Variants in USP33 observed in about 807,000 individuals in gnomAD.
USP33 encodes ubiquitin specific peptidase 33.
In USP33, 46 loss-of-function variants were observed where a neutral mutation model predicts 124.2. That is an observed-to-expected ratio of 0.37 (90% confidence interval 0.29 to 0.47). The LOEUF (loss-of-function observed/expected upper bound fraction) is 0.47. Among genes scored for constraint, USP33 ranks in the 20% least tolerant of loss-of-function variants. USP33 has a pLI of 0.99. For missense variants in USP33, 851 were observed against 1,070.6 expected, an observed-to-expected ratio of 0.79 and a Z score of 2.86; for synonymous variants, 350 against 352.3, an observed-to-expected ratio of 0.99 and a Z score of 0.07.
chr1:77,721,767 T>C, intron 14 of USP33, 64 bp downstream of exon 14: 1 of 1,419,400 alleles, frequency 7.0e-7, no homozygotes, highest in East Asian at 2.5e-5. Flanking sequence ...CACTTTATTA[T>C]TTAGTCCCAC....
At chr1:77,718,786 A>T (rs1557831973) in intron 15 of USP33, 145 bp from the exon 16 acceptor site, 1 of 619,968 alleles carries the variant, frequency 1.6e-6, no homozygotes, top group African/African-American at 1.9e-5. Context: ...AAAATTAGCC[A>T]GGCATGGTGG....
At chr1:77,705,194 A>AT (rs945114113) in intron 21 of USP33, among the ~76,000 whole-genome samples, 4 of 149,706 alleles carry the variant, frequency 2.7e-5, no homozygotes, top group African/African-American at 4.9e-5. Context: ...TGCACTTTTT[A>AT]TTTTTTATTT....
chr1:77,731,538 CTT>C (rs1233549511), intron 7 of USP33, among the ~76,000 whole-genome samples: 12 of 142,978 alleles, frequency 8.4e-5, no homozygotes, highest in Non-Finnish European at 9.3e-5. Flanking sequence ...CAAGTGTAAT[CTT>C]TTTTTTTTTT....
chr1:77,731,736 G>A (rs982483202), intron 7 of USP33, among the ~76,000 whole-genome samples: 3 of 152,074 alleles, frequency 2.0e-5, no homozygotes, highest in Middle Eastern at 3.4e-3. Flanking sequence ...AAAGTAAATC[G>A]GTGGAAGCAG....
chr1:77,736,059 T>C lies in USP33; in HGVS notation c.451A>G (p.Arg151Gly). Residue 151 changes from arginine to glycine, a missense_variant, in exon 6 of 24, where the codon AGA becomes GGA. This residue lies in a region of USP33 where 221 missense variants were observed against 302.9 expected (regional missense o/e 0.73). Transcript: ENST00000370794. The part of the protein sequence containing the change: ...EADEEDELRA[R>G]GLTGLKNIGN... The stretch of plus-strand genomic sequence containing the variant: ...GCGTTACACAGGATTAATTTACCTC[T>C]GGCCCTAAGTTCATCTTCTTCATCC... The C allele has an allele frequency of 6.2e-7, 1 of 1,607,212 alleles. No homozygotes were observed. The highest frequency in any genetic ancestry group is 8.5e-7 in the Non-Finnish European group (1 of 1,175,812).
At chr1:77,740,667 T>C (rs1223517720) in intron 4 of USP33, among the ~76,000 whole-genome samples, 1 of 152,222 alleles carries the variant, frequency 6.6e-6, no homozygotes, top group Non-Finnish European at 1.5e-5. Context: ...ATGTACACTT[T>C]TGAAATCAGT....
intron 15 of USP33, 60 bp from the exon 16 acceptor site, chr1:77,718,701 G>T: frequency 7.5e-7 from 1 of 1,331,796 alleles, no homozygotes; most frequent in Non-Finnish European, 1.1e-6. Context: ...ATTTAAATTT[G>T]CAACAAAAAT....
chr1:77,714,879 C>T lies in USP33; in HGVS notation c.2046-96G>A, dbSNP rs114358493. The T allele has an allele frequency of 5.7e-4, 714 of 1,244,338 alleles. 8 individuals carry two copies. The African/African-American group carries it at 9.5e-3, about 17-fold the overall frequency. 77.1% of individuals were successfully genotyped at this position (1,244,338 alleles called of 1,614,324 possible). A position where few individuals can be genotyped will look rare whatever the true frequency, so the allele number is the denominator to read the frequency against. On this transcript the variant is annotated intron_variant, in intron 18 of 23. Transcript: ENST00000370794. ...TTATTAGACTTAACACACATATTAA[C>T]ACTATCTTTATTAGGTCTTGGGAAT... is the stretch of plus-strand genomic sequence containing the variant.
At chr1:77,726,271 C>T (rs1488763251) in intron 10 of USP33, among the ~76,000 whole-genome samples, 3 of 151,310 alleles carry the variant, frequency 2.0e-5, no homozygotes, top group African/African-American at 4.9e-5. Flanking sequence ...TTATAACACA[C>T]GACTATTACA....
At chr1:77,705,407 C>T (rs1393830937) in intron 21 of USP33, among the ~76,000 whole-genome samples, 3 of 151,960 alleles carry the variant, frequency 2.0e-5, no homozygotes, top group African/African-American at 7.2e-5. Context: ...GTTGGCCAGG[C>T]TGGTCTTGAA....
At chr1:77,721,970 C>A in intron 13 of USP33, 45 bp from the exon 14 acceptor site, 1 of 1,602,094 alleles carries the variant, frequency 6.2e-7, no homozygotes, top group Non-Finnish European at 8.5e-7. Flanking sequence ...TCTGCCAGTA[C>A]AGCAGAAACA....
intron 21 of USP33, among the ~76,000 whole-genome samples, chr1:77,711,121 A>G (rs985533866): frequency 6.6e-6 from 1 of 152,186 alleles, no homozygotes; most frequent in Non-Finnish European, 1.5e-5. Context: ...CAGTCTGGAT[A>G]GACTACAGAC....
intron 10 of USP33, among the ~76,000 whole-genome samples, chr1:77,727,173 C>T (rs1325906420): frequency 6.6e-6 from 1 of 152,188 alleles, no homozygotes; most frequent in African/African-American, 2.4e-5. Context: ...ATTTTTTCCT[C>T]TAACGGACCA....
chr1:77,724,350 C>T lies in USP33; in HGVS notation c.1277-907G>A, dbSNP rs191354608. Among the ~76,000 whole-genome samples the T allele has an allele frequency of 3.9e-5, 6 of 152,214 alleles. No individual in the cohort carries two copies. The East Asian group carries it at 1.2e-3, about 29-fold the overall frequency. On this transcript the variant is annotated intron_variant, in intron 11 of 23. Coordinates refer to ENST00000370794, the MANE Select transcript of USP33 (RefSeq NM_201624.3). ...TATATGATTTATAAATACATCCAAC[C>T]TTATCTTTCCATTCTCTGAATGTCC...
At chr1:77,709,031 G>T (rs1674943487) in intron 21 of USP33, among the ~76,000 whole-genome samples, 4 of 152,204 alleles carry the variant, frequency 2.6e-5, no homozygotes, top group South Asian at 2.1e-4. Flanking sequence ...CATCGAGATG[G>T]TGTCAGGATT....
chr1:77,708,534 C>T (rs975757685), intron 21 of USP33, among the ~76,000 whole-genome samples: 1 of 152,226 alleles, frequency 6.6e-6, no homozygotes, highest in African/African-American at 2.4e-5. Context: ...TTTCTGAGCA[C>T]TGCCATAGGC....
At position 77,717,888 on chromosome 1, in the gene USP33, A is replaced by T. The variant is rs750716358; in HGVS notation, c.1897T>A (p.Cys633Ser). 103 of 1,610,956 alleles carry T rather than the reference A, an allele frequency of 6.4e-5. No homozygotes were observed. The change falls in exon 17 of 24, where the codon TGC becomes AGC. Residue 633 changes from cysteine to serine, a missense_variant. Coordinates refer to ENST00000370794, the MANE Select transcript of USP33 (RefSeq NM_201624.3). ...TTACTACTTGCAGTTCCATGATGGC[A>T]AATGACTGACAGAAGATCATATGTC... ...IVTYDLLSVI[C>S]HHGTASSGHY...
chr1:77,712,730 C>T (rs150429642), intron 20 of USP33, among the ~76,000 whole-genome samples: 115 of 152,068 alleles, frequency 7.6e-4, no homozygotes, highest in African/African-American at 2.7e-3. Context: ...TGGTGATGCA[C>T]GCCTGTGATC....
chr1:77,727,828 G>A (rs181985328), intron 10 of USP33, among the ~76,000 whole-genome samples: 36 of 152,262 alleles, frequency 2.4e-4, no homozygotes, highest in Non-Finnish European at 5.9e-5. Flanking sequence ...AAGGAACACT[G>A]ACTAGTATCA....
Sources: gnomAD v4.1 joint callset for allele counts (sites outside exome capture counted in the v4.1 genomes callset) on GRCh38, gnomAD v4.1.1 for gene constraint, gnomAD v4.1.1 regional missense constraint, MANE v1.5 for transcripts, NCBI Gene and HGNC (gene_info 2026-07-23, HGNC 2026-07-21) for gene names.